Variants in CCDC91 observed in about 807,000 individuals in gnomAD.
The protein encoded by CCDC91 is coiled-coil domain-containing protein 91.
A neutral mutation model predicts 63.2 loss-of-function variants in CCDC91; 48 were observed. The observed-to-expected ratio is 0.76, with a 90% CI of 0.60 to 0.97. The LOEUF is 0.97. Among genes scored for constraint, CCDC91 ranks in the 50% least tolerant of loss-of-function variants. CCDC91 has a pLI of 0.00. For missense variants in CCDC91, 500 were observed against 494.6 expected (o/e 1.01, Z -0.10); for synonymous variants, 167 against 165.8 (o/e 1.01, Z -0.06).
intron 3 of CCDC91, among the ~76,000 whole-genome samples, chr12:28,299,571 T>A (rs1565756833): frequency 6.6e-6 from 1 of 151,612 alleles, no homozygotes; most frequent in African/African-American, 2.4e-5. Flanking sequence ...AACGTTAACA[T>A]GGTGCCAAAA....
intron 12 of CCDC91, among the ~76,000 whole-genome samples, chr12:28,495,993 T>C (rs1310355508): frequency 6.6e-6 from 1 of 151,664 alleles, no homozygotes; most frequent in Admixed American, 6.6e-5. Context: ...AACTAAAATC[T>C]TTCCGATTTT....
chr12:28,548,969 T>G (rs1182850711), intron 12 of CCDC91, 94 bp from the exon 13 acceptor site: 4 of 790,224 alleles, frequency 5.1e-6, no homozygotes, highest in Non-Finnish European at 8.4e-6. Context: ...ATCTGGAAAG[T>G]TTTTTCTAGT....
At chr12:28,369,188 T>A (rs1425521570) in intron 7 of CCDC91, among the ~76,000 whole-genome samples, 2 of 152,194 alleles carry the variant, frequency 1.3e-5, no homozygotes, top group Admixed American at 1.3e-4. Flanking sequence ...CACTTTTGCC[T>A]ATGAGCCTGT....
At chr12:28,260,630 G>C (rs1379266928) in intron 3 of CCDC91, among the ~76,000 whole-genome samples, 3 of 151,810 alleles carry the variant, frequency 2.0e-5, no homozygotes, top group African/African-American at 7.3e-5. Context: ...CCTATTATCT[G>C]ACTTTCATGT....
chr12:28,261,329 G>T (rs1946811125), intron 3 of CCDC91, among the ~76,000 whole-genome samples: 1 of 151,930 alleles, frequency 6.6e-6, no homozygotes, highest in South Asian at 2.1e-4. Context: ...AGTTGTAGGA[G>T]ATTGCTGGGA....
rs551648965 is a variant in CCDC91, at chr12:28,317,565, A to G, written c.576+9816A>G. ...AAATGAAAAAAATGTTTGGAGAAAAATGATTTTTTCAAGTAGTTTTTTTAT... is the reference window on the plus strand; with the variant it reads ...AAATGAAAAAAATGTTTGGAGAAAAGTGATTTTTTCAAGTAGTTTTTTTAT... On this transcript the variant is annotated intron_variant, in intron 6 of 12. Transcript: ENST00000536442. Among the ~76,000 whole-genome samples the G allele has an allele frequency of 4.6e-5, 7 of 152,102 alleles. No homozygotes were observed. In the East Asian group the frequency reaches 1.2e-3, roughly 25 times the overall value.
At chr12:28,468,926 A>G (rs1950672823) in intron 11 of CCDC91, among the ~76,000 whole-genome samples, 1 of 152,066 alleles carries the variant, frequency 6.6e-6, no homozygotes, top group Admixed American at 6.6e-5. Context: ...TGGGTATAGT[A>G]GGAACATACT....
chr12:28,501,190 C>A (rs1221551334), intron 12 of CCDC91, among the ~76,000 whole-genome samples: 1 of 151,860 alleles, frequency 6.6e-6, no homozygotes, highest in African/African-American at 2.4e-5. Context: ...TAATTGAATA[C>A]CCTTTATTTC....
intron 3 of CCDC91, among the ~76,000 whole-genome samples, chr12:28,272,633 A>G (rs1947865109): frequency 6.6e-6 from 1 of 151,810 alleles, no homozygotes; most frequent in Admixed American, 6.6e-5. Flanking sequence ...ATATTCTGCT[A>G]TTTGATGCCG....
chr12:28,259,588 T>C, intron 3 of CCDC91, 146 bp downstream of exon 3: 1 of 574,978 alleles, frequency 1.7e-6, no homozygotes, highest in Non-Finnish European at 3.1e-6. Context: ...TCTTTAGGTT[T>C]TTAAAATAAC....
At chr12:28,523,257 C>T (rs989901834) in intron 12 of CCDC91, among the ~76,000 whole-genome samples, 50 of 152,152 alleles carry the variant, frequency 3.3e-4, no homozygotes, top group Non-Finnish European at 5.6e-4. Context: ...TCTGGGTGCT[C>T]CTGTATTGGG....
Position 28,220,701 on chromosome 12 carries a change from C to G in CCDC91, c.-15+30060C>G, listed in dbSNP as rs139761555. Among the ~76,000 whole-genome samples, 3 of 152,038 alleles carry G rather than the reference C, an allele frequency of 2.0e-5. No individual in the cohort carries two copies. In the East Asian group the frequency reaches 5.8e-4, roughly 29 times the overall value. On this transcript the variant is annotated intron_variant, in intron 1 of 12. Transcript: ENST00000536442. Reference sequence around the variant, plus strand: ...TCTTCAATTTTTAAAGGTATTTTCTCTGGGCAAAGAAGTCTATACTGCCAT... The same window carrying G: ...TCTTCAATTTTTAAAGGTATTTTCTGTGGGCAAAGAAGTCTATACTGCCAT...
At chr12:28,367,922 A>G (rs1275490999) in intron 7 of CCDC91, among the ~76,000 whole-genome samples, 1 of 152,184 alleles carries the variant, frequency 6.6e-6, no homozygotes, top group African/African-American at 2.4e-5. Flanking sequence ...CTGAACAGGA[A>G]AGGATTCTGC....
At chr12:28,413,207 A>G (rs1947429556) in intron 8 of CCDC91, among the ~76,000 whole-genome samples, 1 of 152,158 alleles carries the variant, frequency 6.6e-6, no homozygotes, top group Non-Finnish European at 1.5e-5. Context: ...ATATATATGA[A>G]ATATACATGT....
rs538458694 is a variant in CCDC91 at position 28,387,842 on chromosome 12, A to G, written c.655-3462A>G. On this transcript the variant is annotated intron_variant, in intron 7 of 12. Coordinates refer to ENST00000536442, the MANE Select transcript of CCDC91 (RefSeq NM_018318.5). ...TTTTGCAATTGTGAATTGTTCCGCT[A>G]TAAACGTGTGTTCAAGTATCTTTTT... Among the ~76,000 whole-genome samples the G allele has an allele frequency of 3.9e-5, 6 of 152,278 alleles. No homozygotes were observed. In the East Asian group the frequency reaches 7.7e-4, roughly 20 times the overall value.
At chr12:28,440,184 G>A (rs373120532) in intron 8 of CCDC91, among the ~76,000 whole-genome samples, 31 of 152,270 alleles carry the variant, frequency 2.0e-4, no homozygotes, top group South Asian at 1.7e-3. Context: ...CTATGTTACC[G>A]TGAAAACAAA....
chr12:28,233,052 CT>C (rs556321504), intron 1 of CCDC91, among the ~76,000 whole-genome samples: 2 of 150,552 alleles, frequency 1.3e-5, no homozygotes, highest in East Asian at 1.9e-4. Flanking sequence ...TTTCCTAAGT[CT>C]TTTTTTTCCC....
At chr12:28,529,023 G>GTATA (rs990244399) in intron 12 of CCDC91, among the ~76,000 whole-genome samples, 1 of 151,596 alleles carries the variant, frequency 6.6e-6, no homozygotes, top group Admixed American at 6.6e-5. Context: ...ATGTATGTAT[G>GTATA]TATATATATA....
At chr12:28,401,276 G>A (rs1478905108) in intron 8 of CCDC91, among the ~76,000 whole-genome samples, 1 of 152,074 alleles carries the variant, frequency 6.6e-6, no homozygotes, top group Non-Finnish European at 1.5e-5. Flanking sequence ...AAACAAACAT[G>A]TCCTTCCTCA....
Sources: gnomAD v4.1 joint callset for allele counts (sites outside exome capture counted in the v4.1 genomes callset) on GRCh38, gnomAD v4.1.1 for gene constraint, MANE v1.5 for transcripts, NCBI Gene and HGNC (gene_info 2026-07-23, HGNC 2026-07-21) for gene names.